SLC71A1: variants seen among roughly 807,000 people sequenced by gnomAD.
The protein encoded by SLC71A1 is hippocampus abundant gene transcript 1.
the SLC71A1 span, among the ~76,000 whole-genome samples, chr1:100,042,370 C>T: frequency 4.6e-5 from 7 of 152,158 alleles, no homozygotes; most frequent in Non-Finnish European, 1.0e-4. Context: ...ATAAGCAGAG[C>T]ACCAGATTTT....
At chr1:100,042,800 G>A in the SLC71A1 span, among the ~76,000 whole-genome samples, 1 of 151,974 alleles carries the variant, frequency 6.6e-6, no homozygotes, top group African/African-American at 2.4e-5. Context: ...AGTAGAGACC[G>A]GATTTTACCA....
At chr1:100,041,709 A>C in the SLC71A1 span, among the ~76,000 whole-genome samples, 2 of 152,198 alleles carry the variant, frequency 1.3e-5, no homozygotes, top group Non-Finnish European at 2.9e-5. Flanking sequence ...AGATCACTTG[A>C]GGCCAGGAGT....
the SLC71A1 span, chr1:100,038,202 T>G: frequency 6.5e-7 from 1 of 1,540,216 alleles, no homozygotes; most frequent in Non-Finnish European, 8.8e-7. Flanking sequence ...CGGGAGTGGC[T>G]GCAGCAGCGC....
the SLC71A1 span, chr1:100,059,819 T>C: frequency 1.4e-6 from 2 of 1,437,220 alleles, no homozygotes; most frequent in Non-Finnish European, 1.9e-6. Flanking sequence ...TAAAATGATT[T>C]ATTTTTGGTT....
the SLC71A1 span, among the ~76,000 whole-genome samples, chr1:100,049,184 C>T: frequency 6.6e-6 from 1 of 152,142 alleles, no homozygotes; most frequent in South Asian, 2.1e-4. Context: ...TCTCTGGCAG[C>T]GGTATAAACT....
the SLC71A1 span, among the ~76,000 whole-genome samples, chr1:100,054,109 TCGGCTCA>T: frequency 6.6e-6 from 1 of 150,908 alleles, no homozygotes; most frequent in Non-Finnish European, 1.5e-5. Flanking sequence ...TGGCGTGATC[TCGGCTCA>T]CTGCAACCTC....
At chr1:100,076,144 C>CA in the SLC71A1 span, among the ~76,000 whole-genome samples, 1 of 152,146 alleles carries the variant, frequency 6.6e-6, no homozygotes, top group Non-Finnish European at 1.5e-5. Flanking sequence ...TCTAATTGCT[C>CA]AAAAATCCTT....
the SLC71A1 span, chr1:100,058,827 A>G: frequency 1.6e-6 from 1 of 617,940 alleles, no homozygotes. Context: ...CTATGCGAAT[A>G]TATGTTTGTT....
chr1:100,069,593 C>G, the SLC71A1 span: 2 of 1,548,002 alleles, frequency 1.3e-6, no homozygotes, highest in Non-Finnish European at 1.8e-6. Flanking sequence ...TTAATGTTAC[C>G]TTTTCTGGAA....
the SLC71A1 span, among the ~76,000 whole-genome samples, chr1:100,059,144 G>GTTTTTTTTTTTTTTTTTTTTTTTTTTTTT: frequency 4.0e-5 from 3 of 75,428 alleles, no homozygotes; most frequent in African/African-American, 1.2e-4. Context: ...TCTTTTTCGT[G>GTTTTTTTTTTTTTTTTTTTTTTTTTTTTT]TTTTTTTTTT....
At chr1:100,038,982 T>C in the SLC71A1 span, among the ~76,000 whole-genome samples, 1 of 152,148 alleles carries the variant, frequency 6.6e-6, no homozygotes, top group African/African-American at 2.4e-5. Context: ...TCACTGTGTG[T>C]CTTAAGATCA....
the SLC71A1 span, chr1:100,069,621 A>C: frequency 6.2e-7 from 1 of 1,608,978 alleles, no homozygotes; most frequent in Non-Finnish European, 8.5e-7. Flanking sequence ...TAGATAATGA[A>C]ATTTTCACCA....
At chr1:100,067,006 A>AG in the SLC71A1 span, among the ~76,000 whole-genome samples, 26 of 151,204 alleles carry the variant, frequency 1.7e-4, 1 homozygote, top group Non-Finnish European at 4.4e-5. Flanking sequence ...AAAAAAAAAA[A>AG]AAAAAAATTT....
At chr1:100,079,069 C>T in the SLC71A1 span, 1 of 152,184 alleles carries the variant, frequency 6.6e-6, no homozygotes, top group African/African-American at 2.4e-5. Flanking sequence ...CCTTGAGAGA[C>T]CTGTCTCAAA....
chr1:100,083,022 A>G, the SLC71A1 span: 2 of 152,546 alleles, frequency 1.3e-5, no homozygotes, highest in African/African-American at 4.8e-5. Flanking sequence ...TGTGATATCT[A>G]TTATGTAGAT....
At chr1:100,049,613 ACT>A in the SLC71A1 span, among the ~76,000 whole-genome samples, 8 of 152,072 alleles carry the variant, frequency 5.3e-5, no homozygotes, top group African/African-American at 1.9e-4. Context: ...CGCCTGTCTA[ACT>A]CTGTTGTGTC....
chr1:100,068,245 T>G, the SLC71A1 span: 1 of 1,384,118 alleles, frequency 7.2e-7, no homozygotes, highest in Non-Finnish European at 1.0e-6. Context: ...CATGATTCAG[T>G]GCAGCATTAA....
At chr1:100,081,982 A>C in the SLC71A1 span, 1 of 1,579,568 alleles carries the variant, frequency 6.3e-7, no homozygotes. Context: ...TAAAAATCCT[A>C]ATTACTTTAT....
the SLC71A1 span, among the ~76,000 whole-genome samples, chr1:100,073,965 A>C: frequency 1.3e-5 from 2 of 152,256 alleles, no homozygotes; most frequent in Non-Finnish European, 2.9e-5. Context: ...TGAGAATATT[A>C]TAACATTTAG....
Sources: gnomAD v4.1 joint callset for allele counts (sites outside exome capture counted in the v4.1 genomes callset) on GRCh38, gnomAD v4.1.1 for gene constraint, MANE v1.5 for transcripts, NCBI Gene and HGNC (gene_info 2026-07-23, HGNC 2026-07-21) for gene names.